Variants in SAXO4 observed in about 807,000 individuals in gnomAD.
SAXO4 encodes the protein stabilizer of axonemal microtubules 4, also known as protein phosphatase 1 regulatory subunit 32.
At chr11:61,490,566 G>GCTGAGCC in the SAXO4 span, 1 of 1,613,852 alleles carries the variant, frequency 6.2e-7, no homozygotes, top group African/African-American at 1.3e-5. Context: ...GTGGCACACA[G>GCTGAGCC]CTGAGCCCTG....
the SAXO4 span, chr11:61,487,190 C>T: frequency 1.2e-6 from 2 of 1,614,070 alleles, no homozygotes; most frequent in Non-Finnish European, 1.7e-6. Flanking sequence ...ATGTCCGGAG[C>T]CCCTGTGATC....
the SAXO4 span, chr11:61,481,943 C>T: frequency 1.1e-5 from 17 of 1,481,548 alleles, no homozygotes; most frequent in South Asian, 1.8e-4. Flanking sequence ...GCGCAGGAGC[C>T]TCTGCTAGGA....
chr11:61,488,283 T>C, the SAXO4 span, among the ~76,000 whole-genome samples: 1 of 144,722 alleles, frequency 6.9e-6, no homozygotes, highest in African/African-American at 2.6e-5. Flanking sequence ...CACCGTGTCC[T>C]GCCAAGAAGT....
the SAXO4 span, chr11:61,485,693 A>G: frequency 1.2e-6 from 1 of 865,764 alleles, no homozygotes; most frequent in Admixed American, 2.1e-5. Context: ...GCAGGTCTCC[A>G]GGATCTTGGG....
At chr11:61,483,833 C>G in the SAXO4 span, among the ~76,000 whole-genome samples, 6 of 152,044 alleles carry the variant, frequency 3.9e-5, no homozygotes, top group Non-Finnish European at 7.3e-5. Flanking sequence ...TGGCACGCAC[C>G]TATAATCCCA....
the SAXO4 span, among the ~76,000 whole-genome samples, chr11:61,485,028 C>T: frequency 6.6e-6 from 1 of 152,212 alleles, no homozygotes; most frequent in Non-Finnish European, 1.5e-5. Context: ...AACGCTACTC[C>T]TCTTCCCCCA....
the SAXO4 span, chr11:61,482,256 G>A: frequency 6.5e-7 from 1 of 1,535,654 alleles, no homozygotes; most frequent in Non-Finnish European, 9.0e-7. Context: ...CCCTGCCTGG[G>A]AAGCCCTGCC....
At chr11:61,490,040 G>A in the SAXO4 span, 20 of 1,281,926 alleles carry the variant, frequency 1.6e-5, no homozygotes, top group South Asian at 1.3e-4. Context: ...CTGTCAGTCC[G>A]GTTCATTCCT....
chr11:61,486,821 G>C, the SAXO4 span: 20 of 926,386 alleles, frequency 2.2e-5, no homozygotes, highest in Non-Finnish European at 2.9e-5. Context: ...GGCTGGAAGG[G>C]GAAGGGAGGG....
At chr11:61,489,888 ATGG>A in the SAXO4 span, 1 of 1,613,948 alleles carries the variant, frequency 6.2e-7, no homozygotes, top group South Asian at 1.1e-5. Flanking sequence ...GGTCAGCTGC[ATGG>A]AGGCCACCCC....
chr11:61,483,581 T>C, the SAXO4 span, among the ~76,000 whole-genome samples: 2 of 152,252 alleles, frequency 1.3e-5, no homozygotes, highest in East Asian at 1.9e-4. Context: ...TCCTTCATAT[T>C]TGAAGATGAT....
the SAXO4 span, among the ~76,000 whole-genome samples, chr11:61,485,088 C>A: frequency 6.6e-6 from 1 of 152,208 alleles, no homozygotes; most frequent in African/African-American, 2.4e-5. Context: ...CCCTCTGGGC[C>A]CCCCACTCAT....
the SAXO4 span, among the ~76,000 whole-genome samples, chr11:61,485,611 CCTGCTGCTCCCT>C: frequency 6.2e-4 from 95 of 152,276 alleles, no homozygotes; most frequent in Non-Finnish European, 1.0e-3. Flanking sequence ...GCATGCCCTT[CCTGCTGCTCCCT>C]CTCCTGTCCT....
chr11:61,485,806 G>T, the SAXO4 span: 1,544 of 1,613,372 alleles, frequency 9.6e-4, no homozygotes, highest in Non-Finnish European at 1.3e-3. Context: ...CAGATTTCTT[G>T]CAGAAGAAAT....
chr11:61,485,970 G>T, the SAXO4 span: 4 of 1,209,980 alleles, frequency 3.3e-6, no homozygotes, highest in Admixed American at 2.1e-5. Flanking sequence ...CAGTCTCAGG[G>T]TTTCTAGCTT....
At chr11:61,482,826 G>T in the SAXO4 span, 2 of 1,580,776 alleles carry the variant, frequency 1.3e-6, no homozygotes, top group South Asian at 1.1e-5. Flanking sequence ...CTGGGCCAGG[G>T]CCAGGAGAGG....
the SAXO4 span, chr11:61,485,450 T>G: frequency 5.2e-6 from 8 of 1,538,822 alleles, no homozygotes; most frequent in Non-Finnish European, 6.3e-6. Context: ...CCAATCCACC[T>G]CCCTACTTGC....
At chr11:61,486,946 A>G in the SAXO4 span, 2 of 1,613,464 alleles carry the variant, frequency 1.2e-6, no homozygotes, top group Admixed American at 1.7e-5. Context: ...TGTGCCCTGC[A>G]GGTGCCCCCT....
At chr11:61,482,810 T>G in the SAXO4 span, 1 of 1,605,542 alleles carries the variant, frequency 6.2e-7, no homozygotes, top group Admixed American at 1.7e-5. Context: ...ACCAAGGAGG[T>G]CAGTGCTGGG....
Sources: allele counts gnomAD v4.1 joint callset (sites outside exome capture counted in the v4.1 genomes callset), GRCh38; gene constraint gnomAD v4.1.1; transcripts MANE v1.5; gene names NCBI Gene and HGNC (gene_info 2026-07-23, HGNC 2026-07-21).